TAF15: variants seen among roughly 807,000 people sequenced by gnomAD.
The protein encoded by TAF15 is TATA-binding protein-associated factor 2N.
A neutral mutation model predicts 102.5 loss-of-function variants in TAF15; 37 were observed. The ratio of observed to expected loss-of-function variants is 0.36; its 90% CI spans 0.28 to 0.47. The LOEUF (loss-of-function observed/expected upper bound fraction) is 0.47, where lower values mean the gene tolerates loss of function less well. Ranked by LOEUF, TAF15 falls within the 20% of genes least tolerant of loss-of-function variation. The pLI, the probability that TAF15 is intolerant of heterozygous loss-of-function variation, is 0.99. For missense variants in TAF15, 652 were observed against 760.7 expected (o/e 0.86, Z 1.68); for synonymous variants, 273 against 259.2 (o/e 1.05, Z -0.51).
At chr17:35,846,722 A>G (rs964781173) in intron 15 of TAF15, among the ~76,000 whole-genome samples, 184 bp from the exon 16 acceptor site, 2 of 152,242 alleles carry the variant, frequency 1.3e-5, no homozygotes, top group Non-Finnish European at 2.9e-5. Context: ...GAACTTTGTG[A>G]ATCTTAAAGC....
At chr17:35,817,572 G>C (rs2087209803) in intron 1 of TAF15, 144 bp from the exon 2 acceptor site, 4 of 712,910 alleles carry the variant, frequency 5.6e-6, no homozygotes, top group Non-Finnish European at 9.7e-6. Context: ...CAAATTTCTT[G>C]TTTCATAGTA....
chr17:35,834,713 T>A, intron 9 of TAF15, 115 bp downstream of exon 9: 1 of 819,068 alleles, frequency 1.2e-6, no homozygotes, highest in Non-Finnish European at 2.0e-6. Context: ...AATTTGATAG[T>A]GCTGCCAGAA....
chr17:35,822,597 T>C, intron 5 of TAF15, 43 bp from the exon 6 acceptor site: 2 of 1,585,120 alleles, frequency 1.3e-6, no homozygotes, highest in Middle Eastern at 1.8e-4. Flanking sequence ...ACAGCAAATG[T>C]AATCTTCCTA....
Position 35,824,135 on chromosome 17 carries a change from A to C in TAF15, c.542A>C (p.Gln181Pro). 1.2e-6 allele frequency: 2 copies of C among 1,614,034 alleles called. No homozygotes were observed. Among genetic ancestry groups the C allele is most frequent in the Non-Finnish European group, 1.7e-6 (2 of 1,180,006 alleles). The stretch of plus-strand genomic sequence containing the variant: ...GATAATAGAGGATATGGCGGGTCAC[A>C]GGGAGGAGGTAGAGGGCGTGGGGGA... ...GEDNRGYGGSQGGGRGRGGYD... is the reference protein window; with the variant it reads ...GEDNRGYGGSPGGGRGRGGYD... Residue 181 changes from glutamine to proline, a missense_variant, in exon 7 of 16, where the codon CAG becomes CCG. Gln to Pro is a moderately conservative substitution (Grantham distance 76). Transcript: ENST00000605844.
chr17:35,834,078 T>TA, intron 8 of TAF15, 137 bp downstream of exon 8: 1 of 589,460 alleles, frequency 1.7e-6, no homozygotes, highest in African/African-American at 1.9e-5. Flanking sequence ...TAAAAAAAAT[T>TA]TTATATATAT....
chr17:35,834,098 CAT>C (rs1196039509), intron 8 of TAF15, among the ~76,000 whole-genome samples, 157 bp downstream of exon 8: 2 of 151,414 alleles, frequency 1.3e-5, no homozygotes, highest in African/African-American at 4.9e-5. Context: ...TATATATACA[CAT>C]ATATATATCA....
chr17:35,814,450 G>A (rs2087168604), intron 1 of TAF15, among the ~76,000 whole-genome samples: 2 of 151,900 alleles, frequency 1.3e-5, no homozygotes, highest in African/African-American at 4.8e-5. Flanking sequence ...TTACAGGCGT[G>A]AGCAACTGCA....
intron 1 of TAF15, among the ~76,000 whole-genome samples, chr17:35,814,374 T>C (rs1294628468): frequency 6.6e-6 from 1 of 152,008 alleles, no homozygotes; most frequent in Admixed American, 6.6e-5. Flanking sequence ...TTCACCATGT[T>C]AGCCAGGATG....
chr17:35,813,922 TAATG>T (rs1227371623), intron 1 of TAF15, among the ~76,000 whole-genome samples: 7 of 152,098 alleles, frequency 4.6e-5, no homozygotes, highest in African/African-American at 1.7e-4. Context: ...AGCTGGAAAA[TAATG>T]AAATTATCCA....
intron 1 of TAF15, among the ~76,000 whole-genome samples, chr17:35,817,487 C>G (rs2087208867): frequency 1.3e-5 from 2 of 152,130 alleles, no homozygotes; most frequent in African/African-American, 4.8e-5. Flanking sequence ...TCACTGGGTT[C>G]TTGTGACCCT....
At chr17:35,812,376 C>T (rs1390432689) in intron 1 of TAF15, among the ~76,000 whole-genome samples, 2 of 151,932 alleles carry the variant, frequency 1.3e-5, no homozygotes, top group Non-Finnish European at 2.9e-5. Flanking sequence ...GCGGGTGGAT[C>T]ACCTAAGGTC....
intron 7 of TAF15, among the ~76,000 whole-genome samples, chr17:35,826,817 T>C (rs1197549221): frequency 1.3e-5 from 2 of 151,316 alleles, no homozygotes; most frequent in Non-Finnish European, 2.9e-5. Context: ...CTGCCCGCCT[T>C]GGCCTCCCAA....
intron 7 of TAF15, among the ~76,000 whole-genome samples, chr17:35,827,150 G>A (rs989508307): frequency 2.0e-5 from 3 of 151,724 alleles, no homozygotes; most frequent in African/African-American, 4.8e-5. Flanking sequence ...CCAGCGCTTT[G>A]GGAGGCCGAG....
Position 35,842,469 on chromosome 17 carries a change from T to G in TAF15, c.1006+10T>G, listed in dbSNP as rs780841895. The G allele has an allele frequency of 3.7e-6, 6 of 1,605,020 alleles. No homozygotes were observed. The African/African-American group carries it at 5.4e-5, about 14-fold the overall frequency. ...GGAGGTGGGCGGCGAGGTAAGATCC[T>G]TGCTGCGTACAGTCCTGGATACTAT... On this transcript the variant is annotated intron_variant, in intron 12 of 15. Coordinates refer to ENST00000605844, the MANE Select transcript of TAF15 (RefSeq NM_139215.3).
At chr17:35,821,990 A>T (rs1486833583) in intron 5 of TAF15, among the ~76,000 whole-genome samples, 1 of 152,132 alleles carries the variant, frequency 6.6e-6, no homozygotes, top group Admixed American at 6.5e-5. Flanking sequence ...TGGCATGTTT[A>T]TTAAAGAGTC....
chr17:35,811,917 AG>A (rs2087128949), intron 1 of TAF15, among the ~76,000 whole-genome samples: 1 of 152,242 alleles, frequency 6.6e-6, no homozygotes, highest in Non-Finnish European at 1.5e-5. Context: ...AAACTAAGAA[AG>A]GACAAACCCC....
At chr17:35,813,702 TAAG>T (rs1187426081) in intron 1 of TAF15, among the ~76,000 whole-genome samples, 13 of 134,852 alleles carry the variant, frequency 9.6e-5, no homozygotes, top group African/African-American at 3.7e-4. Flanking sequence ...ATACATCTAA[TAAG>T]AGATTGAGAA....
At position 35,820,323 on chromosome 17, in the gene TAF15, A is replaced by G. The variant is rs756208407; in HGVS notation, c.185-9A>G. On this transcript the variant is annotated splice_polypyrimidine_tract_variant and intron_variant, in intron 4 of 15. Transcript: ENST00000605844. ...CCTTCACTAAATGATATACTCATCTAATCTTTAGGTTATTCACAGTCCTAT... is the reference window on the plus strand; with the variant it reads ...CCTTCACTAAATGATATACTCATCTGATCTTTAGGTTATTCACAGTCCTAT... The G allele has an allele frequency of 7.4e-6, 12 of 1,613,826 alleles. No individual in the cohort carries two copies. In the African/African-American group the frequency reaches 1.3e-4, roughly 18 times the overall value.
At chr17:35,844,191 G>GCT in intron 13 of TAF15, 33 bp downstream of exon 13, 1 of 1,612,996 alleles carries the variant, frequency 6.2e-7, no homozygotes, top group East Asian at 2.2e-5. Context: ...TGAGAGTAGG[G>GCT]GTTGGGATTG....
Sources: gnomAD v4.1 joint callset for allele counts (sites outside exome capture counted in the v4.1 genomes callset) on GRCh38, gnomAD v4.1.1 for gene constraint, MANE v1.5 for transcripts, NCBI Gene and HGNC (gene_info 2026-07-23, HGNC 2026-07-21) for gene names.